SLC7A7: variants seen among roughly 807,000 people sequenced by gnomAD.
SLC7A7 encodes the protein solute carrier family 7 member 7.
A neutral mutation model predicts 47.9 loss-of-function variants in SLC7A7; 39 were observed. That is an observed-to-expected ratio of 0.81 (90% CI 0.63 to 1.06). SLC7A7 has a LOEUF of 1.06. SLC7A7 is among the 50% of genes least tolerant of loss of function. SLC7A7 has a pLI of 0.00. For synonymous variants in SLC7A7, 234 were observed against 242.8 expected, an observed-to-expected ratio of 0.96 and a Z score of 0.34; for missense variants, 588 against 632.0, an observed-to-expected ratio of 0.93 and a Z score of 0.75.
intron 2 of SLC7A7, among the ~76,000 whole-genome samples, chr14:22,798,571 C>T (rs2039057179): frequency 6.6e-6 from 1 of 152,178 alleles, no homozygotes; most frequent in African/African-American, 2.4e-5. Context: ...AGAAACATAC[C>T]TCAACCAACC....
In SLC7A7 at chr14:22,776,255, A is replaced by G. The variant is rs778972330; in HGVS notation, c.834T>C (p.Asn278=). The change falls in exon 5 of 10, where the codon AAT becomes AAC. Residue 278 remains asparagine, a synonymous_variant. Transcript: ENST00000674313. ...TGTCTAGCACAGTATAATAGGCCAC[A>G]TTGGTCAAGATATAGATGATGGTGA... ...PIVTIIYILT[N]VAYYTVLDMR... The G allele has an allele frequency of 8.1e-6, 13 of 1,614,216 alleles. No homozygotes were observed. Among genetic ancestry groups the G allele is most frequent in the South Asian group, 1.1e-5 (1 of 91,088 alleles).
Position 22,806,131 on chromosome 14 carries a change from A to C in SLC7A7, c.499+6769T>G, listed in dbSNP as rs957771208. On this transcript the variant is annotated intron_variant, in intron 2 of 9. Transcript: ENST00000674313. ...GAGACTCTGTCTCAAAAAAAAAAAA[A>C]AAAAAAAAACTGTACATACATCAGT... Among the ~76,000 whole-genome samples the C allele has an allele frequency of 2.1e-4, 31 of 150,628 alleles. 1 individual carries two copies. The East Asian group carries it at 4.1e-3, about 20-fold the overall frequency.
At chr14:22,819,664 G>A (rs1397852077), upstream of SLC7A7, 2 of 152,436 alleles carry the variant, frequency 1.3e-5, no homozygotes, top group Non-Finnish European at 2.9e-5. Flanking sequence ...GGGCAGGTGC[G>A]GGGAGGAGGG....
chr14:22,775,595 G>C (rs2139387365), intron 6 of SLC7A7, 55 bp from the exon 7 acceptor site: 2 of 1,435,318 alleles, frequency 1.4e-6, no homozygotes, highest in Non-Finnish European at 2.0e-6. Flanking sequence ...GGTGCAGCCT[G>C]GTTCACCTGC....
At chr14:22,805,029 C>CA (rs929605915) in intron 2 of SLC7A7, among the ~76,000 whole-genome samples, 10 of 151,810 alleles carry the variant, frequency 6.6e-5, no homozygotes, top group South Asian at 2.1e-4. Context: ...AACAAACAAA[C>CA]AAAAAAAGGC....
intron 2 of SLC7A7, among the ~76,000 whole-genome samples, chr14:22,802,875 T>A (rs1290320186): frequency 6.6e-6 from 1 of 152,042 alleles, no homozygotes; most frequent in East Asian, 1.9e-4. Flanking sequence ...TCCCCTCATA[T>A]CCCACAATCC....
upstream of SLC7A7, among the ~76,000 whole-genome samples, chr14:22,817,978 C>A (rs1470921969): frequency 6.6e-6 from 1 of 151,952 alleles, no homozygotes; most frequent in Non-Finnish European, 1.5e-5. Context: ...ATTACAAGTC[C>A]TCTTGGCAGT....
intron 2 of SLC7A7, among the ~76,000 whole-genome samples, chr14:22,793,740 C>T (rs922772436): frequency 2.6e-5 from 4 of 151,906 alleles, no homozygotes; most frequent in East Asian, 1.9e-4. Context: ...TACTTCAACT[C>T]GGGAGGTGGA....
Position 22,810,230 on chromosome 14 carries a change from C to T in SLC7A7, c.499+2670G>A, listed in dbSNP as rs191234480. Among the ~76,000 whole-genome samples, 23 of 151,724 alleles carry T rather than the reference C, an allele frequency of 1.5e-4. No individual in the cohort carries two copies. In the East Asian group the frequency reaches 4.5e-3, roughly 29 times the overall value. On this transcript the variant is annotated intron_variant, in intron 2 of 9. Coordinates refer to ENST00000674313, the MANE Select transcript of SLC7A7 (RefSeq NM_003982.4). ...CTGTAATCCCAGCACTTTGGGAGGCCGAGGTAGGCGGATTACCTGAGGTCC... is the reference window on the plus strand; with the variant it reads ...CTGTAATCCCAGCACTTTGGGAGGCTGAGGTAGGCGGATTACCTGAGGTCC...
At position 22,813,316 on chromosome 14, in the gene SLC7A7, G is replaced by A. The variant is rs527246068; in HGVS notation, c.83C>T (p.Pro28Leu). Residue 28 changes from proline (P) to leucine (L), a missense_variant, in exon 2 of 10, where the codon CCG becomes CTG. Transcript: ENST00000674313. ...SPLGDGASPGPEQVKLKKEIS... is the reference protein window; with the variant it reads ...SPLGDGASPGLEQVKLKKEIS... ...CTCCTTCTTCAGCTTCACCTGCTCC[G>A]GCCCTGGGCTGGCCCCATCACCCAA... 61 of 1,614,106 alleles carry A rather than the reference G, an allele frequency of 3.8e-5. No individual in the cohort carries two copies. Among genetic ancestry groups the A allele is most frequent in the South Asian group, 6.6e-5 (6 of 91,080 alleles).
upstream of SLC7A7, chr14:22,816,319 G>T (rs1053036154): frequency 1.3e-5 from 2 of 152,092 alleles, no homozygotes; most frequent in Non-Finnish European, 2.9e-5. Context: ...GTGAAACCCC[G>T]TCTCTACTAA....
At chr14:22,818,997 C>T (rs12435744), upstream of SLC7A7, among the ~76,000 whole-genome samples, 12,285 of 152,162 alleles carry the variant, frequency 0.081, 666 homozygotes, top group East Asian at 0.27. Flanking sequence ...GATTACAGGA[C>T]AACACACTCA....
chr14:22,813,410 G>A lies in SLC7A7; in HGVS notation c.-12C>T. On this transcript the variant is annotated 5_prime_UTR_variant, in exon 2 of 10. Transcript: ENST00000674313. ...GTGCTGTCAACCATGGTGGAGGAGA[G>A]GAAACCCTTCACCAGCTTCCTGGCA... The A allele has an allele frequency of 6.2e-7, 1 of 1,609,162 alleles. No individual in the cohort carries two copies. Among genetic ancestry groups the A allele is most frequent in the Middle Eastern group, 1.6e-4 (1 of 6,062 alleles).
rs1037596259 is a variant in SLC7A7 at position 22,788,514 on chromosome 14, C to T, written c.500-8463G>A. On this transcript the variant is annotated intron_variant, in intron 2 of 9. Coordinates refer to ENST00000674313, the MANE Select transcript of SLC7A7 (RefSeq NM_003982.4). ...AGTCAGGAGTTTGAGATCAGCCTGG[C>T]CAACATGGTGAAACCCCCGTCTCTA... Among the ~76,000 whole-genome samples the T allele has an allele frequency of 4.0e-5, 6 of 151,146 alleles. No homozygotes were observed. In the South Asian group the frequency reaches 1.3e-3, roughly 32 times the overall value.
intron 2 of SLC7A7, among the ~76,000 whole-genome samples, chr14:22,804,476 C>T (rs943726680): frequency 2.6e-5 from 4 of 152,148 alleles, no homozygotes; most frequent in Middle Eastern, 3.4e-3. Context: ...TGAAAAAGGT[C>T]TAATAACCAG....
intron 2 of SLC7A7, among the ~76,000 whole-genome samples, chr14:22,786,415 C>T (rs2038818475): frequency 6.6e-6 from 1 of 152,166 alleles, no homozygotes; most frequent in Admixed American, 6.6e-5. Flanking sequence ...AATGTGGCTT[C>T]CAGACCCCTC....
intron 2 of SLC7A7, among the ~76,000 whole-genome samples, chr14:22,799,505 A>C (rs1399567645): frequency 8.7e-6 from 1 of 115,358 alleles, no homozygotes; most frequent in Non-Finnish European, 1.6e-5. Context: ...CCCAAGATGG[A>C]GTGCAGTGGA....
chr14:22,809,526 A>G (rs2039268573), intron 2 of SLC7A7, among the ~76,000 whole-genome samples: 1 of 152,166 alleles, frequency 6.6e-6, no homozygotes, highest in East Asian at 1.9e-4. Flanking sequence ...CGTTTTTCAT[A>G]GAGACGGGGT....
intron 2 of SLC7A7, among the ~76,000 whole-genome samples, chr14:22,783,883 AG>A (rs1192300141): frequency 6.6e-6 from 1 of 152,230 alleles, no homozygotes; most frequent in Non-Finnish European, 1.5e-5. Context: ...GAAAGAAACC[AG>A]GGAGCAGAGG....
Sources: allele counts gnomAD v4.1 joint callset (sites outside exome capture counted in the v4.1 genomes callset), GRCh38; gene constraint gnomAD v4.1.1; transcripts MANE v1.5; gene names NCBI Gene and HGNC (gene_info 2026-07-23, HGNC 2026-07-21).